The following ASB4 variants were observed in gnomAD, a reference collection of about 807,000 sequenced individuals.
The protein encoded by ASB4 is ankyrin repeat and SOCS box containing 4.
In ASB4, 35 loss-of-function variants were observed where a neutral mutation model predicts 38.6. The observed-to-expected ratio is 0.91, with a 90% CI of 0.69 to 1.20. ASB4 has a LOEUF of 1.20. ASB4 is among the 50% of genes most tolerant of loss of function. The probability of loss-of-function intolerance (pLI) is 0.00; values close to 1 mark genes in which losing one functional copy is unlikely to be tolerated. For missense variants in ASB4, 557 were observed against 527.2 expected, an observed-to-expected ratio of 1.06 and a Z score of -0.55; for synonymous variants, 195 against 201.3, an observed-to-expected ratio of 0.97 and a Z score of 0.26.
In ASB4 at chr7:95,500,373, A is replaced by G. The variant is rs778977490; in HGVS notation, c.487+4316A>G. ...TTTGAGGCCAGGAGTTTGAGATCAG[A>G]CTGGGCAACATAGTGAGACCACATC... On this transcript the variant is annotated intron_variant, in intron 2 of 4. Coordinates refer to ENST00000325885, the MANE Select transcript of ASB4 (RefSeq NM_016116.3). Among the ~76,000 whole-genome samples, 54 of 151,912 alleles carry G rather than the reference A, an allele frequency of 3.6e-4. 1 individual carries two copies. Among genetic ancestry groups the G allele is most frequent in the Non-Finnish European group, 6.0e-4 (41 of 67,922 alleles).
Position 95,537,669 on chromosome 7 carries a change from C to T in ASB4, c.1191C>T (p.His397=), listed in dbSNP as rs1790914553. The change falls in exon 5 of 5, where the codon CAC becomes CAT. Residue 397 remains histidine (H), a synonymous_variant. Transcript: ENST00000325885. Reference sequence around the variant, plus strand: ...GATGTGCCATTAGAAGAACATTACACAACAGATGCCATAGAGCAATTCCTT... The same window carrying T: ...GATGTGCCATTAGAAGAACATTACATAACAGATGCCATAGAGCAATTCCTT... ...LSRCAIRRTL[H]NRCHRAIPLL... is the part of the protein sequence containing the mutation. The T allele has an allele frequency of 2.5e-6, 4 of 1,613,772 alleles. No individual in the cohort carries two copies. Among genetic ancestry groups the T allele is most frequent in the African/African-American group, 1.3e-5 (1 of 74,918 alleles).
upstream of ASB4, among the ~76,000 whole-genome samples, chr7:95,482,307 C>G (rs1790027443): frequency 6.6e-6 from 1 of 152,130 alleles, no homozygotes; most frequent in South Asian, 2.1e-4. Flanking sequence ...ACTGAAATAG[C>G]TTCTGTGGGA....
chr7:95,477,117 T>C (rs11982574), upstream of ASB4, among the ~76,000 whole-genome samples: 16,298 of 152,040 alleles, frequency 0.11, 1,199 homozygotes, highest in East Asian at 0.36. Flanking sequence ...TTTTTTTTTT[T>C]CCCCAGGATA....
At chr7:95,530,283 G>A (rs745453915) in intron 3 of ASB4, among the ~76,000 whole-genome samples, 2 of 151,910 alleles carry the variant, frequency 1.3e-5, no homozygotes, top group Admixed American at 1.3e-4. Flanking sequence ...TGGGCAACAC[G>A]GTGAAACCCT....
At chr7:95,527,332 A>G (rs930369974) in intron 2 of ASB4, among the ~76,000 whole-genome samples, 4 of 152,360 alleles carry the variant, frequency 2.6e-5, no homozygotes, top group African/African-American at 9.6e-5. Context: ...GTTTACTTGC[A>G]TCAAACTTTT....
chr7:95,530,370 C>T (rs1196943571), intron 3 of ASB4, among the ~76,000 whole-genome samples: 10 of 152,084 alleles, frequency 6.6e-5, no homozygotes, highest in Admixed American at 6.5e-4. Flanking sequence ...GAGGCTGAGG[C>T]AGGAGAATGG....
At chr7:95,474,117 G>A (rs1304614187), upstream of ASB4, 2 of 152,198 alleles carry the variant, frequency 1.3e-5, no homozygotes, top group Non-Finnish European at 2.9e-5. Flanking sequence ...CCAGACTATA[G>A]ATCACATGAA....
rs755548825 is a variant in ASB4 at position 95,528,277 on chromosome 7, C to G, written c.952C>G (p.Arg318Gly). The G allele has an allele frequency of 6.2e-7, 1 of 1,614,128 alleles. No homozygotes were observed. Among genetic ancestry groups the G allele is most frequent in the Non-Finnish European group, 8.5e-7 (1 of 1,180,022 alleles). ...YQLLLNHGAA[R>G]IYPPQFHKVI... ...GCTCCTGTTGAACCATGGGGCTGCCCGAATATACCCTCCACAGTTCCATAA... is the reference window on the plus strand; with the variant it reads ...GCTCCTGTTGAACCATGGGGCTGCCGGAATATACCCTCCACAGTTCCATAA... Residue 318 changes from arginine (R) to glycine (G), a missense_variant, in exon 3 of 5, where the codon CGA becomes GGA. Physicochemically the swap from Arg to Gly is moderately radical, Grantham distance 125 (BLOSUM62 -2). Transcript: ENST00000325885.
intron 2 of ASB4, among the ~76,000 whole-genome samples, chr7:95,503,636 G>A (rs1790369734): frequency 6.6e-6 from 1 of 152,160 alleles, no homozygotes; most frequent in Admixed American, 6.5e-5. Context: ...ATACTCTGGG[G>A]GAGAACTCAA....
intron 4 of ASB4, among the ~76,000 whole-genome samples, chr7:95,537,289 T>C (rs1460585677): frequency 6.6e-6 from 1 of 152,236 alleles, no homozygotes; most frequent in Non-Finnish European, 1.5e-5. Flanking sequence ...CATAATGTGT[T>C]TAAAATTGCT....
intron 1 of ASB4, among the ~76,000 whole-genome samples, chr7:95,494,639 C>T (rs1241788099): frequency 6.6e-6 from 1 of 152,118 alleles, no homozygotes; most frequent in African/African-American, 2.4e-5. Flanking sequence ...AGTATTTTTT[C>T]TTTCTGTACC....
At chr7:95,541,103 G>T (rs535954296), downstream of ASB4, among the ~76,000 whole-genome samples, 88 of 152,288 alleles carry the variant, frequency 5.8e-4, 1 homozygote, top group African/African-American at 1.8e-3. Context: ...GGATAAAGTA[G>T]ATGCATTACA....
At chr7:95,473,994 C>T (rs1039040741), upstream of ASB4, 6 of 152,172 alleles carry the variant, frequency 3.9e-5, no homozygotes, top group Non-Finnish European at 1.5e-5. Flanking sequence ...CCATAAGTTA[C>T]CTCCAGAACT....
chr7:95,482,591 A>T (rs1486647368), upstream of ASB4, among the ~76,000 whole-genome samples: 1 of 152,222 alleles, frequency 6.6e-6, no homozygotes, highest in Non-Finnish European at 1.5e-5. Context: ...CTTATTTAGC[A>T]TTTCAAGGAC....
At chr7:95,504,324 A>G (rs952631273) in intron 2 of ASB4, among the ~76,000 whole-genome samples, 1 of 151,448 alleles carries the variant, frequency 6.6e-6, no homozygotes, top group Non-Finnish European at 1.5e-5. Flanking sequence ...GTTCCCTGCT[A>G]CTTTATCTGA....
the ASB4 span, among the ~76,000 whole-genome samples, chr7:95,472,910 G>A: frequency 6.6e-6 from 1 of 152,096 alleles, no homozygotes; most frequent in Non-Finnish European, 1.5e-5. Flanking sequence ...AAAACTTGTA[G>A]AGAAAAATCA....
the ASB4 span, among the ~76,000 whole-genome samples, chr7:95,471,311 C>T: frequency 6.6e-6 from 1 of 152,098 alleles, no homozygotes; most frequent in East Asian, 1.9e-4. Context: ...TTGCTATTGT[C>T]CTCTTTCCTG....
upstream of ASB4, among the ~76,000 whole-genome samples, chr7:95,484,273 A>G (rs149809142): frequency 3.6e-3 from 546 of 152,314 alleles, 16 homozygotes; most frequent in Admixed American, 0.024. Flanking sequence ...CAAAGGTTGC[A>G]GTGAGCCCAG....
intron 1 of ASB4, among the ~76,000 whole-genome samples, chr7:95,493,355 G>A (rs1276390873): frequency 7.2e-6 from 1 of 139,096 alleles, no homozygotes; most frequent in African/African-American, 2.8e-5. Flanking sequence ...GTAAAAAAGA[G>A]ATGAAAGTGT....
Sources: allele counts gnomAD v4.1 joint callset (sites outside exome capture counted in the v4.1 genomes callset), GRCh38; gene constraint gnomAD v4.1.1; transcripts MANE v1.5; gene names NCBI Gene and HGNC (gene_info 2026-07-23, HGNC 2026-07-21).